Variants in KCNK9 observed in about 807,000 individuals in gnomAD.
The protein encoded by KCNK9 is potassium two pore domain channel subfamily K member 9, also known as potassium channel subfamily K member 9.
A neutral mutation model predicts 10.8 loss-of-function variants in KCNK9; 1 was observed. That is an observed-to-expected ratio of 0.09 (90% confidence interval 0.03 to 0.44). The LOEUF (loss-of-function observed/expected upper bound fraction) is 0.44. Ranked by LOEUF, KCNK9 falls within the 20% of genes least tolerant of loss-of-function variation. The pLI, the probability that KCNK9 is intolerant of heterozygous loss-of-function variation, is 0.97. For synonymous variants in KCNK9, 231 were observed against 222.7 expected, an observed-to-expected ratio of 1.04 and a Z score of -0.33; for missense variants, 303 against 515.0, an observed-to-expected ratio of 0.59 and a Z score of 3.98.
rs1814621762 is a variant in KCNK9 at position 139,617,137 on chromosome 8, T to C, written c.*1121A>G. 1.3e-5 allele frequency: 2 copies of C among 152,304 alleles called. No homozygotes were observed. The highest frequency in any genetic ancestry group is 1.9e-4 in the East Asian group (1 of 5,192). The allele number at this position is 152,304 out of a possible 1,614,324, so 9.4% of individuals were successfully genotyped here. On this transcript the variant is annotated 3_prime_UTR_variant, in exon 2 of 2. Transcript: ENST00000520439. ...GAGACGATATTTCTTGAAATAGATA[T>C]GTATTTTTAATGAGGAATGCCCTGT...
chr8:139,701,685 A>G (rs1490678313), intron 1 of KCNK9, among the ~76,000 whole-genome samples: 1 of 152,150 alleles, frequency 6.6e-6, no homozygotes, highest in Non-Finnish European at 1.5e-5. Flanking sequence ...CACTGGGGCA[A>G]GTGAACCACA....
In KCNK9 at chr8:139,618,759, C is replaced by A; in HGVS notation, c.624G>T (p.Leu208=). Residue 208 remains leucine (L), a synonymous_variant, in exon 2 of 2, where the codon CTG becomes CTT. Transcript: ENST00000520439. This position sits in a 1 kb window ranked among gnomAD's most constrained non-coding sequence, Gnocchi z 7.9. ...TCTTCTGCAGGGCACCCTTGGTCTG[C>A]AGGGCCACGTAGTCCCCGAACCCAA... ...TTIGFGDYVA[L]QTKGALQKKP... is the part of the protein sequence containing the mutation. 6.2e-7 allele frequency: 1 copy of A among 1,614,178 alleles called. No individual in the cohort carries two copies. The highest frequency in any genetic ancestry group is 8.5e-7 in the Non-Finnish European group (1 of 1,180,034).
intron 1 of KCNK9, among the ~76,000 whole-genome samples, chr8:139,645,300 G>T (rs567320086): frequency 6.6e-6 from 1 of 152,194 alleles, no homozygotes; most frequent in Admixed American, 6.5e-5. Context: ...GGCTCAGACC[G>T]GCCCAGGGAG....
chr8:139,686,532 A>C (rs1269818523), intron 1 of KCNK9, among the ~76,000 whole-genome samples: 1 of 152,254 alleles, frequency 6.6e-6, no homozygotes, highest in African/African-American at 2.4e-5. Flanking sequence ...AGCAATTTTA[A>C]ATGTGCAAAA....
At chr8:139,648,589 T>A (rs1221672615) in intron 1 of KCNK9, among the ~76,000 whole-genome samples, 2 of 152,206 alleles carry the variant, frequency 1.3e-5, no homozygotes, top group Non-Finnish European at 2.9e-5. Flanking sequence ...GGTCCCTGAC[T>A]ATTGATCATA....
Position 139,648,338 on chromosome 8 carries a change from TAC to T in KCNK9, c.284-29241_284-29240del, listed in dbSNP as rs544991930. On this transcript the variant is annotated intron_variant, in intron 1 of 1. Coordinates refer to ENST00000520439, the MANE Select transcript of KCNK9 (RefSeq NM_001282534.2). Reference sequence around the variant, plus strand: ...CGAAAATAAGATGTTGTTTTGGAACTACACAGAGGTGATGGTTGCAAGACACT... The same window carrying T: ...CGAAAATAAGATGTTGTTTTGGAACTACAGAGGTGATGGTTGCAAGACACT... Among the ~76,000 whole-genome samples the T allele has an allele frequency of 1.6e-4, 24 of 152,318 alleles. No homozygotes were observed. The East Asian group carries it at 4.4e-3, about 28-fold the overall frequency.
At chr8:139,621,467 A>T (rs1814779683) in intron 1 of KCNK9, among the ~76,000 whole-genome samples, 1 of 152,164 alleles carries the variant, frequency 6.6e-6, no homozygotes, top group Admixed American at 6.5e-5. Context: ...CATACAGGGG[A>T]ACAATAATAT....
intron 1 of KCNK9, among the ~76,000 whole-genome samples, chr8:139,687,515 C>CACATATATTCATATATATGTAT (rs1586692951): frequency 9.3e-5 from 12 of 129,660 alleles, no homozygotes; most frequent in East Asian, 4.3e-4. Context: ...TATATGTATA[C>CACATATATTCATATATATGTAT]ACATATATTC....
intron 1 of KCNK9, among the ~76,000 whole-genome samples, chr8:139,637,424 G>A (rs1815370006): frequency 6.6e-6 from 1 of 152,216 alleles, no homozygotes; most frequent in Non-Finnish European, 1.5e-5. Context: ...CAAAGAGTAA[G>A]TGTAAACAGA....
At chr8:139,679,761 A>T (rs1586687127) in intron 1 of KCNK9, among the ~76,000 whole-genome samples, 1 of 152,108 alleles carries the variant, frequency 6.6e-6, no homozygotes, top group Non-Finnish European at 1.5e-5. Flanking sequence ...AGAGAGGGAA[A>T]CCTGGGGAAA....
chr8:139,695,450 G>T (rs560471142), intron 1 of KCNK9, among the ~76,000 whole-genome samples: 2 of 152,236 alleles, frequency 1.3e-5, no homozygotes, highest in African/African-American at 2.4e-5. Flanking sequence ...TTACAGAACA[G>T]GAGGGAGGCC....
rs147532667 is a variant in KCNK9 at position 139,672,819 on chromosome 8, C to T, written c.283+29891G>A. ...TCACTTACATCCTAGGGTGTGCGGG[C>T]GGGGAAGGGCCACAGGCAGAAGGGG... On this transcript the variant is annotated intron_variant, in intron 1 of 1. Coordinates refer to ENST00000520439, the MANE Select transcript of KCNK9 (RefSeq NM_001282534.2). Among the ~76,000 whole-genome samples the T allele has an allele frequency of 1.1e-3, 166 of 152,194 alleles. 1 individual carries two copies. Among genetic ancestry groups the T allele is most frequent in the African/African-American group, 3.8e-3 (159 of 41,544 alleles).
chr8:139,604,350 G>C (rs764142014), intron 2 of KCNK9, among the ~76,000 whole-genome samples: 3 of 152,210 alleles, frequency 2.0e-5, no homozygotes, highest in Non-Finnish European at 4.4e-5. Context: ...ATCAGTGCTA[G>C]AGGAGAAAGC....
At chr8:139,631,626 A>G (rs1199605337) in intron 1 of KCNK9, among the ~76,000 whole-genome samples, 1 of 152,038 alleles carries the variant, frequency 6.6e-6, no homozygotes, top group African/African-American at 2.4e-5. Context: ...TCTTCCCACC[A>G]CTAAATAATT....
At chr8:139,601,877 G>C (rs372086042) in intron 2 of KCNK9, 1 of 152,170 alleles carries the variant, frequency 6.6e-6, no homozygotes, top group Non-Finnish European at 1.5e-5. Flanking sequence ...GGCACTAACC[G>C]CCTGAGGAAC....
At chr8:139,603,027 T>G (rs1408085595) in intron 2 of KCNK9, among the ~76,000 whole-genome samples, 2 of 152,256 alleles carry the variant, frequency 1.3e-5, no homozygotes, top group East Asian at 1.9e-4. Context: ...TGTGTATTCC[T>G]GCTGTGATGT....
At chr8:139,626,538 G>A (rs1328297726) in intron 1 of KCNK9, among the ~76,000 whole-genome samples, 1 of 152,112 alleles carries the variant, frequency 6.6e-6, no homozygotes, top group South Asian at 2.1e-4. Flanking sequence ...GAGGGACTGT[G>A]GATGGTCACC....
chr8:139,634,060 A>C (rs896941050), intron 1 of KCNK9, among the ~76,000 whole-genome samples: 3 of 152,048 alleles, frequency 2.0e-5, no homozygotes, highest in African/African-American at 7.2e-5. Flanking sequence ...GGCATACCAC[A>C]CCTCGCCTGC....
intron 1 of KCNK9, among the ~76,000 whole-genome samples, chr8:139,628,360 C>A (rs906901665): frequency 6.6e-6 from 1 of 152,268 alleles, no homozygotes; most frequent in South Asian, 2.1e-4. Context: ...CCCTGCACAG[C>A]GTGCCGAGGA....
Sources: gnomAD v4.1 joint callset for allele counts (sites outside exome capture counted in the v4.1 genomes callset) on GRCh38, gnomAD v4.1.1 for gene constraint, Gnocchi (gnomAD v3.1) non-coding constraint, MANE v1.5 for transcripts, NCBI Gene and HGNC (gene_info 2026-07-23, HGNC 2026-07-21) for gene names.